SLC9B1: variants seen among roughly 807,000 people sequenced by gnomAD.
SLC9B1 encodes solute carrier family 9 member B1.
In SLC9B1, 32 loss-of-function variants were observed where a neutral mutation model predicts 51.7. The observed-to-expected ratio is 0.62, with a 90% CI of 0.47 to 0.83. SLC9B1 has a LOEUF of 0.83. Ranked by LOEUF, SLC9B1 falls within the 40% of genes least tolerant of loss-of-function variation. SLC9B1 has a pLI of 0.00. For synonymous variants in SLC9B1, 145 were observed against 212.7 expected (o/e 0.68, Z 2.77); for missense variants, 406 against 613.2 (o/e 0.66, Z 3.57).
chr4:102,885,999 G>A (rs1459951889), intron 11 of SLC9B1, among the ~76,000 whole-genome samples: 1 of 152,114 alleles, frequency 6.6e-6, no homozygotes, highest in East Asian at 1.9e-4. Context: ...TCTGTTTCTT[G>A]TACTTGATCA....
intron 3 of SLC9B1, among the ~76,000 whole-genome samples, chr4:102,949,890 G>A (rs1022669426): frequency 6.6e-6 from 1 of 152,050 alleles, no homozygotes; most frequent in Admixed American, 6.6e-5. Flanking sequence ...GAACCCGGGA[G>A]GTGGAGGTTG....
chr4:102,915,861 T>C (rs982128180), intron 7 of SLC9B1, among the ~76,000 whole-genome samples: 22 of 152,190 alleles, frequency 1.4e-4, no homozygotes, highest in Admixed American at 8.5e-4. Context: ...GTTGTCAATT[T>C]AAAATAGATT....
intron 11 of SLC9B1, among the ~76,000 whole-genome samples, chr4:102,893,139 G>T (rs1734334908): frequency 6.6e-6 from 1 of 151,714 alleles, no homozygotes; most frequent in African/African-American, 2.4e-5. Flanking sequence ...AAAATTAGCT[G>T]GGCATGATGG....
At chr4:102,964,319 T>C (rs574247898) in intron 3 of SLC9B1, among the ~76,000 whole-genome samples, 23 of 151,940 alleles carry the variant, frequency 1.5e-4, no homozygotes, top group Non-Finnish European at 2.4e-4. Flanking sequence ...AATCTTCCTA[T>C]AGAGAAAAAA....
rs200518231 is a variant in SLC9B1, at chr4:102,912,447, T to C, written c.830-910A>G. ...TATATTTTATATTCATTAATATTAA[T>C]ATATCCATACTTGTAGTTCATTGTA... is the stretch of plus-strand genomic sequence containing the variant. On this transcript the variant is annotated intron_variant, in intron 7 of 11. Coordinates refer to ENST00000296422, the MANE Select transcript of SLC9B1 (RefSeq NM_139173.4). 1.2e-4 allele frequency among the ~76,000 whole-genome samples: 19 copies of C among 152,192 alleles called. No homozygotes were observed. In the East Asian group the frequency reaches 3.5e-3, roughly 28 times the overall value.
intron 5 of SLC9B1, among the ~76,000 whole-genome samples, chr4:102,946,278 CT>C (rs1030030652): frequency 4.6e-5 from 7 of 152,154 alleles, no homozygotes; most frequent in East Asian, 1.9e-4. Context: ...TCTATACAGT[CT>C]TTTTTTCTTC....
At chr4:102,961,553 G>GTTTA (rs1037733172) in intron 3 of SLC9B1, among the ~76,000 whole-genome samples, 46 of 150,772 alleles carry the variant, frequency 3.1e-4, no homozygotes, top group African/African-American at 1.0e-3. Context: ...TCACTTATTT[G>GTTTA]TTTATTTATT....
At chr4:102,895,465 A>C (rs1477505758) in intron 11 of SLC9B1, among the ~76,000 whole-genome samples, 8 of 152,228 alleles carry the variant, frequency 5.3e-5, no homozygotes, top group Non-Finnish European at 1.0e-4. Context: ...TCAGTTATAC[A>C]TAATAAATAT....
At chr4:102,924,898 G>T (rs1736078445) in intron 7 of SLC9B1, among the ~76,000 whole-genome samples, 1 of 152,162 alleles carries the variant, frequency 6.6e-6, no homozygotes, top group Non-Finnish European at 1.5e-5. Context: ...TAAAAAGTCA[G>T]GAAACAACAG....
At chr4:102,981,930 C>A (rs1366112988) in intron 3 of SLC9B1, among the ~76,000 whole-genome samples, 1 of 152,046 alleles carries the variant, frequency 6.6e-6, no homozygotes, top group African/African-American at 2.4e-5. Flanking sequence ...TCTATTATTT[C>A]TTTCATGGAG....
At chr4:102,890,839 T>TAAAAAAAAAAAAA (rs1734207337) in intron 11 of SLC9B1, 1 of 31,800 alleles carries the variant, frequency 3.1e-5, no homozygotes, top group Non-Finnish European at 5.2e-5. Flanking sequence ...AAACCCTATC[T>TAAAAAAAAAAAAA]TAAAAAAAAA....
downstream of SLC9B1, among the ~76,000 whole-genome samples, chr4:102,899,004 G>T (rs1368608680): frequency 1.3e-5 from 2 of 152,064 alleles, no homozygotes; most frequent in Non-Finnish European, 2.9e-5. Flanking sequence ...GCCTCCCAAA[G>T]TGCTGGGATG....
intron 1 of SLC9B1, among the ~76,000 whole-genome samples, chr4:103,018,192 T>A (rs1251421292): frequency 6.6e-6 from 1 of 152,180 alleles, no homozygotes; most frequent in East Asian, 1.9e-4. Flanking sequence ...AGAAGTACTA[T>A]AAAAACGATA....
chr4:102,894,736 T>A (rs757944517), intron 11 of SLC9B1, among the ~76,000 whole-genome samples: 89 of 152,152 alleles, frequency 5.8e-4, no homozygotes, highest in Non-Finnish European at 9.6e-4. Context: ...GCAGGAGGAC[T>A]GCTTGAGCCC....
chr4:102,906,491 A>C, intron 10 of SLC9B1, 45 bp downstream of exon 10: 1 of 971,792 alleles, frequency 1.0e-6, no homozygotes. Flanking sequence ...TAATTTTCTT[A>C]AATATTTTTG....
intron 6 of SLC9B1, among the ~76,000 whole-genome samples, chr4:102,944,636 A>C (rs1189794384): frequency 6.6e-6 from 1 of 152,266 alleles, no homozygotes; most frequent in Non-Finnish European, 1.5e-5. Flanking sequence ...TTGATGAATT[A>C]AGAAATGAAA....
chr4:102,929,640 C>G (rs1340868958), intron 7 of SLC9B1, among the ~76,000 whole-genome samples: 1 of 152,168 alleles, frequency 6.6e-6, no homozygotes, highest in Non-Finnish European at 1.5e-5. Context: ...TGTGCCTCAG[C>G]CCCCTGAGTA....
intron 3 of SLC9B1, among the ~76,000 whole-genome samples, chr4:102,976,835 T>C (rs1739096319): frequency 6.6e-6 from 1 of 152,172 alleles, no homozygotes; most frequent in Non-Finnish European, 1.5e-5. Flanking sequence ...TGCTAAACTT[T>C]AGGAGTAAAA....
At chr4:102,928,335 G>T (rs1355965677) in intron 7 of SLC9B1, among the ~76,000 whole-genome samples, 5 of 152,194 alleles carry the variant, frequency 3.3e-5, no homozygotes, top group Non-Finnish European at 7.3e-5. Context: ...CAGCCTCTTT[G>T]CTAAAGCATA....
Sources: allele counts gnomAD v4.1 joint callset (sites outside exome capture counted in the v4.1 genomes callset), GRCh38; gene constraint gnomAD v4.1.1; transcripts MANE v1.5; gene names NCBI Gene and HGNC (gene_info 2026-07-23, HGNC 2026-07-21).